The following KCNK3 variants were observed in gnomAD, a reference collection of about 807,000 sequenced individuals.
KCNK3 encodes the protein potassium two pore domain channel subfamily K member 3.
A neutral mutation model predicts 27.3 loss-of-function variants in KCNK3; 9 were observed. That is an observed-to-expected ratio of 0.33 (90% CI 0.20 to 0.57). The LOEUF is 0.57. Among genes scored for constraint, KCNK3 ranks in the 20% least tolerant of loss-of-function variants. The pLI is 0.87. For missense variants in KCNK3, 391 were observed against 577.7 expected, an observed-to-expected ratio of 0.68 and a Z score of 3.31; for synonymous variants, 278 against 273.8, an observed-to-expected ratio of 1.02 and a Z score of -0.15.
At chr2:26,702,304 C>T (rs1431570352) in intron 1 of KCNK3, among the ~76,000 whole-genome samples, 1 of 152,212 alleles carries the variant, frequency 6.6e-6, no homozygotes, top group South Asian at 2.1e-4. Context: ...GATAGTAGCA[C>T]AAGACCTGTT....
At chr2:26,702,510 T>C (rs531461997) in intron 1 of KCNK3, among the ~76,000 whole-genome samples, 1 of 152,020 alleles carries the variant, frequency 6.6e-6, no homozygotes, top group Admixed American at 6.6e-5. Flanking sequence ...GTCCAAGGGG[T>C]TGAACCAGCA....
intron 1 of KCNK3, among the ~76,000 whole-genome samples, chr2:26,696,301 G>A (rs1044813412): frequency 6.6e-6 from 1 of 152,194 alleles, no homozygotes; most frequent in Non-Finnish European, 1.5e-5. Flanking sequence ...GAAGGGAAGC[G>A]GCTCCCCCAG....
chr2:26,724,620 G>A, intron 1 of KCNK3: 1 of 985,400 alleles, frequency 1.0e-6, no homozygotes, highest in Non-Finnish European at 1.2e-6. Flanking sequence ...GAGCCCTGGG[G>A]GCATGTGACC....
In KCNK3 at chr2:26,708,804, G is replaced by C. The variant is rs144511503; in HGVS notation, c.283+15646G>C. Among the ~76,000 whole-genome samples, 679 of 152,366 alleles carry C rather than the reference G, an allele frequency of 4.5e-3. 5 individuals are homozygous for C. Among genetic ancestry groups the C allele is most frequent in the African/African-American group, 0.016 (648 of 41,584 alleles). ...TTTACAAGAGCACTCTAGCTGCTCT[G>C]CAAAGATCGGATGGTGGCAGTGCAA... On this transcript the variant is annotated intron_variant, in intron 1 of 1. Transcript: ENST00000302909.
intron 1 of KCNK3, among the ~76,000 whole-genome samples, chr2:26,703,211 C>T (rs1446983400): frequency 6.6e-6 from 1 of 152,184 alleles, no homozygotes; most frequent in African/African-American, 2.4e-5. Flanking sequence ...TTCAGCAGTA[C>T]TCTTATGGCT....
intron 1 of KCNK3, among the ~76,000 whole-genome samples, chr2:26,720,369 C>T (rs2148266881): frequency 6.6e-6 from 1 of 152,338 alleles, no homozygotes; most frequent in South Asian, 2.1e-4. Context: ...CCTGGGGTGC[C>T]TCTGAGGGCC....
chr2:26,715,545 C>A (rs912191189), intron 1 of KCNK3, among the ~76,000 whole-genome samples: 1 of 152,220 alleles, frequency 6.6e-6, no homozygotes, highest in Non-Finnish European at 1.5e-5. Flanking sequence ...TCCTGGTCTC[C>A]TGCATGAGAT....
In KCNK3 at chr2:26,692,926, C is replaced by A; in HGVS notation, c.51C>A (p.Thr17=). 1 of 1,537,512 alleles carries A rather than the reference C, an allele frequency of 6.5e-7. No individual in the cohort carries two copies. Among genetic ancestry groups the A allele is most frequent in the Non-Finnish European group, 8.7e-7 (1 of 1,145,636 alleles). ...TGGCGCTCATCGTGTGCACCTTCAC[C>A]TACCTGCTGGTGGGCGCCGCGGTCT... ...RTLALIVCTF[T]YLLVGAAVFD... The change falls in exon 1 of 2, where the codon ACC becomes ACA. Residue 17 remains threonine (T), a synonymous_variant. Transcript: ENST00000302909. The surrounding 1 kb of genome is among the most constrained non-coding windows in gnomAD (Gnocchi z 5.6).
intron 1 of KCNK3, among the ~76,000 whole-genome samples, chr2:26,718,587 T>C (rs1663273832): frequency 1.3e-5 from 2 of 152,016 alleles, no homozygotes; most frequent in Admixed American, 1.3e-4. Flanking sequence ...TATGTGTGTG[T>C]ACTCATACAA....
At position 26,717,675 on chromosome 2, in the gene KCNK3, C is replaced by T. The variant is rs748890383; in HGVS notation, c.284-9992C>T. Among the ~76,000 whole-genome samples the T allele has an allele frequency of 2.4e-4, 37 of 152,238 alleles. 1 individual carries two copies. The highest frequency in any genetic ancestry group is 4.7e-4 in the Non-Finnish European group (32 of 68,044). ...CATGAGGATGCAGACAGGCCACAGG[C>T]CTGGGCCATGGCACCTGGCTCAATG... is the stretch of plus-strand genomic sequence containing the variant. On this transcript the variant is annotated intron_variant, in intron 1 of 1. Coordinates refer to ENST00000302909, the MANE Select transcript of KCNK3 (RefSeq NM_002246.3).
intron 1 of KCNK3, among the ~76,000 whole-genome samples, chr2:26,710,456 C>A (rs1326699542): frequency 4.6e-5 from 7 of 152,190 alleles, no homozygotes; most frequent in African/African-American, 1.7e-4. Context: ...CAACACCCAC[C>A]GGTGCCTGCC....
At chr2:26,713,006 C>G (rs573542993) in intron 1 of KCNK3, among the ~76,000 whole-genome samples, 1 of 152,280 alleles carries the variant, frequency 6.6e-6, no homozygotes, top group East Asian at 1.9e-4. Flanking sequence ...TGGGGCCACA[C>G]ATGCCCCAAG....
chr2:26,716,776 A>C (rs1419833368), intron 1 of KCNK3, among the ~76,000 whole-genome samples: 1 of 152,230 alleles, frequency 6.6e-6, no homozygotes, highest in African/African-American at 2.4e-5. Context: ...GGAAGAAGAG[A>C]CATAAGGGAT....
At chr2:26,712,146 G>C (rs1345296797) in intron 1 of KCNK3, among the ~76,000 whole-genome samples, 1 of 152,200 alleles carries the variant, frequency 6.6e-6, no homozygotes. Context: ...GAGGCCACTG[G>C]AAAGGCTGGA....
intron 1 of KCNK3, among the ~76,000 whole-genome samples, chr2:26,716,849 A>T (rs944809527): frequency 1.3e-5 from 2 of 152,266 alleles, no homozygotes; most frequent in Non-Finnish European, 2.9e-5. Context: ...GACTCAGATA[A>T]GTCTCAGGGA....
chr2:26,726,106 C>CACAGAG (rs1553387172), intron 1 of KCNK3, among the ~76,000 whole-genome samples: 52 of 81,812 alleles, frequency 6.4e-4, no homozygotes, highest in African/African-American at 3.2e-3. Context: ...CACACACACA[C>CACAGAG]AGAGAGAGAG....
intron 1 of KCNK3, among the ~76,000 whole-genome samples, chr2:26,708,115 T>C (rs1397838193): frequency 6.6e-6 from 1 of 151,900 alleles, no homozygotes; most frequent in Non-Finnish European, 1.5e-5. Context: ...ATCATCTCAA[T>C]GGTAATAAGG....
At chr2:26,707,910 T>C (rs1048596223) in intron 1 of KCNK3, among the ~76,000 whole-genome samples, 1 of 152,068 alleles carries the variant, frequency 6.6e-6, no homozygotes, top group Admixed American at 6.6e-5. Context: ...GGTCCCCGAC[T>C]CTTTCCACTC....
intron 1 of KCNK3, chr2:26,724,401 C>T (rs1663375586): frequency 6.1e-6 from 1 of 162,754 alleles, no homozygotes; most frequent in Non-Finnish European, 1.3e-5. Flanking sequence ...TGCATTGGCT[C>T]CCACGTACCG....
Sources: allele counts gnomAD v4.1 joint callset (sites outside exome capture counted in the v4.1 genomes callset), GRCh38; gene constraint gnomAD v4.1.1; non-coding constraint Gnocchi (gnomAD v3.1); transcripts MANE v1.5; gene names NCBI Gene and HGNC (gene_info 2026-07-23, HGNC 2026-07-21).